The following ARHGAP6 variants were observed in gnomAD, a reference collection of about 807,000 sequenced individuals.
The protein encoded by ARHGAP6 is Rho GTPase activating protein 6.
In ARHGAP6, 16 loss-of-function variants were observed where a neutral mutation model predicts 55.7. The ratio of observed to expected loss-of-function variants is 0.29; its 90% CI spans 0.19 to 0.44. ARHGAP6 has a LOEUF of 0.44. ARHGAP6 is among the 20% of genes least tolerant of loss of function. The pLI is 1.00. For synonymous variants in ARHGAP6, 382 were observed against 360.9 expected (o/e 1.06, Z -0.66); for missense variants, 698 against 808.9 (o/e 0.86, Z 1.66).
chrX:11,281,119 C>T (rs764755514), intron 1 of ARHGAP6, among the ~76,000 whole-genome samples: 1 of 112,067 alleles, frequency 8.9e-6, no homozygotes, highest in Non-Finnish European at 1.9e-5. Context: ...TACAACAATA[C>T]AGATGAATCC....
chrX:11,292,640 T>A (rs755674508), intron 1 of ARHGAP6, among the ~76,000 whole-genome samples: 2 of 111,959 alleles, frequency 1.8e-5, no homozygotes, highest in Admixed American at 1.9e-4. Context: ...AAGGACAACA[T>A]CCCCTGTGAC....
chrX:11,447,250 C>T, intron 1 of ARHGAP6, among the ~76,000 whole-genome samples: 1 of 112,267 alleles, frequency 8.9e-6, no homozygotes, highest in Admixed American at 9.4e-5. Context: ...TAGTTAGAAC[C>T]TTCCATGTGT....
intron 1 of ARHGAP6, among the ~76,000 whole-genome samples, chrX:11,426,303 C>T (rs1294912568): frequency 9.0e-6 from 1 of 111,186 alleles, no homozygotes; most frequent in Non-Finnish European, 1.9e-5. Context: ...GGAGCAGCTC[C>T]GGGATGCCTG....
chrX:11,345,684 A>G, intron 1 of ARHGAP6, among the ~76,000 whole-genome samples: 1 of 112,031 alleles, frequency 8.9e-6, no homozygotes, highest in Admixed American at 9.5e-5. Flanking sequence ...ACCTCAGTTT[A>G]TATTGCCACC....
chrX:11,605,268 A>G (rs189194546), intron 1 of ARHGAP6, among the ~76,000 whole-genome samples: 1 of 111,569 alleles, frequency 9.0e-6, no homozygotes, highest in Non-Finnish European at 1.9e-5. Flanking sequence ...GGTAAAAATG[A>G]CGAAGCCTGA....
chrX:11,300,583 C>A, intron 1 of ARHGAP6: 1 of 1,166,529 alleles, frequency 8.6e-7, no homozygotes, highest in Non-Finnish European at 1.2e-6. Flanking sequence ...ATTATTTTAA[C>A]TGTTCTTTTG....
chrX:11,582,623 A>T (rs1400952230), intron 1 of ARHGAP6, among the ~76,000 whole-genome samples: 1 of 111,906 alleles, frequency 8.9e-6, no homozygotes, highest in Non-Finnish European at 1.9e-5. Flanking sequence ...CAAATCTTTC[A>T]TGTGTGATCA....
intron 1 of ARHGAP6, among the ~76,000 whole-genome samples, chrX:11,303,706 G>A (rs1569293792): frequency 8.1e-5 from 9 of 111,441 alleles, no homozygotes; most frequent in Non-Finnish European, 1.7e-4. Context: ...AGGCTCTGGG[G>A]GTGTCAGTTA....
intron 1 of ARHGAP6, among the ~76,000 whole-genome samples, chrX:11,356,709 CTG>C (rs940389227): frequency 8.1e-5 from 9 of 110,937 alleles, no homozygotes; most frequent in African/African-American, 2.9e-4. Flanking sequence ...TATTGTTAGA[CTG>C]TGCTTCAACA....
intron 1 of ARHGAP6, among the ~76,000 whole-genome samples, chrX:11,483,367 C>A (rs1189612274): frequency 8.9e-6 from 1 of 112,159 alleles, no homozygotes; most frequent in Non-Finnish European, 1.9e-5. Flanking sequence ...ACGTGCCCCA[C>A]TTCTGGCCAA....
chrX:11,487,744 A>G (rs1020995462), intron 1 of ARHGAP6, among the ~76,000 whole-genome samples: 1 of 111,881 alleles, frequency 8.9e-6, no homozygotes, highest in Non-Finnish European at 1.9e-5. Context: ...ATTCTAACCC[A>G]CTGAATAGAA....
At chrX:11,403,362 C>A (rs970782936) in intron 1 of ARHGAP6, among the ~76,000 whole-genome samples, 6 of 111,595 alleles carry the variant, frequency 5.4e-5, no homozygotes, top group African/African-American at 2.0e-4. Flanking sequence ...CCCAAGTGAC[C>A]AATGAGTACT....
intron 2 of ARHGAP6, among the ~76,000 whole-genome samples, chrX:11,254,013 C>T (rs1318875510): frequency 9.0e-6 from 1 of 111,584 alleles, no homozygotes; most frequent in Non-Finnish European, 1.9e-5. Context: ...GAATCAGGAT[C>T]TGTTTAAAAA....
Position 11,436,618 on chromosome X carries a change from A to C in ARHGAP6, c.589-181911T>G, listed in dbSNP as rs193060462. Among the ~76,000 whole-genome samples the C allele has an allele frequency of 2.9e-4, 33 of 112,267 alleles. 1 individual carries two copies. The highest frequency in any genetic ancestry group is 2.8e-3 in the Admixed American group (30 of 10,604). On this transcript the variant is annotated intron_variant, in intron 1 of 12. Coordinates refer to ENST00000337414, the MANE Select transcript of ARHGAP6 (RefSeq NM_013427.3). ...TATGGTAGAATTATTCATAATGGCC[A>C]AAAGGTACAAACAAACCAAATTTCC...
At chrX:11,437,762 C>T (rs950325881) in intron 1 of ARHGAP6, among the ~76,000 whole-genome samples, 1 of 112,310 alleles carries the variant, frequency 8.9e-6, no homozygotes, top group African/African-American at 3.2e-5. Context: ...AACTCCCAGG[C>T]ACTTCCTGCT....
At chrX:11,359,151 T>C (rs5978433) in intron 1 of ARHGAP6, among the ~76,000 whole-genome samples, 19,954 of 111,252 alleles carry the variant, frequency 0.18, 1,509 homozygotes, top group Middle Eastern at 0.31. Flanking sequence ...AAATAATTTC[T>C]TCCTTGTGTG....
At chrX:11,662,977 ACTTTC>A (rs943519246) in intron 1 of ARHGAP6, among the ~76,000 whole-genome samples, 4 of 111,926 alleles carry the variant, frequency 3.6e-5, no homozygotes, top group African/African-American at 1.3e-4. Context: ...CTCTGCCTCG[ACTTTC>A]CTTTCTACTG....
At chrX:11,597,637 A>G (rs1054558225) in intron 1 of ARHGAP6, among the ~76,000 whole-genome samples, 4 of 112,274 alleles carry the variant, frequency 3.6e-5, no homozygotes, top group African/African-American at 6.5e-5. Context: ...CAAAGCCAAA[A>G]TCAACATTTT....
At chrX:11,268,350 C>T (rs1258171505) in intron 1 of ARHGAP6, among the ~76,000 whole-genome samples, 1 of 111,807 alleles carries the variant, frequency 8.9e-6, no homozygotes, top group African/African-American at 3.3e-5. Context: ...AATCAAATAG[C>T]CACTACATAA....
Sources: allele counts gnomAD v4.1 joint callset (sites outside exome capture counted in the v4.1 genomes callset), GRCh38; gene constraint gnomAD v4.1.1; transcripts MANE v1.5; gene names NCBI Gene and HGNC (gene_info 2026-07-23, HGNC 2026-07-21).